Variants in MYO9A observed in about 807,000 individuals in gnomAD.
MYO9A encodes myosin IXA.
A neutral mutation model predicts 293.3 loss-of-function variants in MYO9A; 103 were observed. That is an observed-to-expected ratio of 0.35 (90% confidence interval 0.30 to 0.41). The LOEUF (loss-of-function observed/expected upper bound fraction) is 0.41. MYO9A is among the 10% of genes least tolerant of loss of function. The probability of loss-of-function intolerance (pLI) is 1.00; values close to 1 mark genes in which losing one functional copy is unlikely to be tolerated. For missense variants in MYO9A, 2,685 were observed against 3,033.0 expected (o/e 0.89, Z 2.69); for synonymous variants, 1,001 against 1,035.7 (o/e 0.97, Z 0.64).
chr15:72,065,722 A>G (rs747169822), intron 1 of MYO9A, among the ~76,000 whole-genome samples: 9 of 152,134 alleles, frequency 5.9e-5, no homozygotes, highest in Non-Finnish European at 1.0e-4. Flanking sequence ...AAAAAGACTT[A>G]TATCCAGATT....
chr15:71,992,073 AAGTTAAAAATATTT>A (rs1248502423), intron 10 of MYO9A, among the ~76,000 whole-genome samples: 2 of 152,176 alleles, frequency 1.3e-5, no homozygotes, highest in Non-Finnish European at 2.9e-5. Flanking sequence ...CGGTTTCGTA[AAGTTAAAAATATTT>A]ATTAAAAAAA....
chr15:72,047,266 A>T (rs1313058168), intron 1 of MYO9A, among the ~76,000 whole-genome samples: 2 of 152,222 alleles, frequency 1.3e-5, no homozygotes, highest in Non-Finnish European at 2.9e-5. Flanking sequence ...TGACAAAAGA[A>T]TCCTGCCCCT....
At chr15:72,007,743 C>A in intron 8 of MYO9A, 83 bp downstream of exon 8, 1 of 1,334,974 alleles carries the variant, frequency 7.5e-7, no homozygotes, top group South Asian at 1.5e-5. Context: ...AAGCATTAAC[C>A]CGTTTACACC....
intron 39 of MYO9A, among the ~76,000 whole-genome samples, chr15:71,845,095 C>T (rs2055325298): frequency 6.6e-6 from 1 of 152,108 alleles, no homozygotes; most frequent in Non-Finnish European, 1.5e-5. Context: ...TGTTAAGTCA[C>T]AAAAATAGGA....
intron 35 of MYO9A, 41 bp from the exon 36 acceptor site, chr15:71,852,301 G>T (rs1305797950): frequency 7.1e-6 from 11 of 1,542,996 alleles, no homozygotes; most frequent in South Asian, 2.4e-5. Flanking sequence ...GCCAAAACAT[G>T]CAAAGAGATT....
intron 2 of MYO9A, chr15:72,039,998 C>G: frequency 5.3e-6 from 1 of 187,114 alleles, no homozygotes; most frequent in East Asian, 1.6e-4. Flanking sequence ...AACCCTGAAC[C>G]TGCAGCAGCA....
intron 15 of MYO9A, among the ~76,000 whole-genome samples, chr15:71,943,451 T>G (rs1171142182): frequency 6.6e-6 from 1 of 152,116 alleles, no homozygotes; most frequent in Non-Finnish European, 1.5e-5. Flanking sequence ...ATTTTGGATA[T>G]TCTTAGTTTC....
chr15:72,102,589 T>A (rs887197529), intron 1 of MYO9A, among the ~76,000 whole-genome samples: 1 of 150,652 alleles, frequency 6.6e-6, no homozygotes, highest in Admixed American at 6.6e-5. Context: ...ATAACAGATA[T>A]ATCAGAAAGC....
rs1555408276 is a variant in MYO9A, at chr15:72,028,218, A to AATAAATATAT, written c.936-426_936-425insATATATTTAT. Among the ~76,000 whole-genome samples the AATAAATATAT allele has an allele frequency of 7.4e-5, 10 of 134,244 alleles. No individual in the cohort carries two copies. In the South Asian group the frequency reaches 9.4e-4, roughly 13 times the overall value. The allele number at this position is 134,244 out of a possible 152,430, so 88.1% of individuals were successfully genotyped here. A position where few individuals can be genotyped will look rare whatever the true frequency, so the allele number is the denominator to read the frequency against. ...TCTCAAAAAAATAAATAAATAAATA[A>AATAAATATAT]ATATATATATATATATATATAAATA... On this transcript the variant is annotated intron_variant, in intron 3 of 41. Coordinates refer to ENST00000356056, the MANE Select transcript of MYO9A (RefSeq NM_006901.4).
rs755573420 is a variant in MYO9A at position 71,903,970 on chromosome 15, G to A, written c.2836C>T (p.Arg946Ter). ...LRYTGMLETVRIRQSGYSSKY... is the reference protein window; with the variant it reads ...LRYTGMLETV The stretch of plus-strand genomic sequence containing the variant: ...GAGCTGTATCCTGATTGGCGAATTC[G>A]AACTGTTTCCAGCATCCCGGTGTAT... Residue 946 changes from arginine (R) to a stop codon, truncating the protein, a stop_gained, in exon 21 of 42, where the codon CGA (arginine) becomes TGA (stop). Coordinates refer to ENST00000356056, the MANE Select transcript of MYO9A (RefSeq NM_006901.4). LOFTEE classifies it high-confidence loss of function. 2.5e-6 allele frequency: 4 copies of A among 1,613,990 alleles called. No homozygotes were observed. Among genetic ancestry groups the A allele is most frequent in the East Asian group, 2.2e-5 (1 of 44,878 alleles).
chr15:72,043,572 G>A (rs1293532265), intron 2 of MYO9A, among the ~76,000 whole-genome samples: 2 of 152,108 alleles, frequency 1.3e-5, no homozygotes, highest in African/African-American at 2.4e-5. Context: ...ATACCAAGTG[G>A]GAGAAGCCAA....
intron 18 of MYO9A, among the ~76,000 whole-genome samples, chr15:71,927,274 T>C (rs1320393111): frequency 2.6e-5 from 4 of 152,256 alleles, no homozygotes; most frequent in African/African-American, 7.2e-5. Flanking sequence ...GCCATATGCA[T>C]AGTCTGCAAA....
Position 71,910,099 on chromosome 15 carries a change from T to TATATATATAC in MYO9A, c.2686-5094_2686-5093insGTATATATAT, listed in dbSNP as rs1567260276. On this transcript the variant is annotated intron_variant, in intron 19 of 41. Transcript: ENST00000356056. ...TTATATATATACACGTATATATATA[T>TATATATATAC]ACGTATATATATACGTGTATATATA... Among the ~76,000 whole-genome samples, 32 of 144,426 alleles carry TATATATATAC rather than the reference T, an allele frequency of 2.2e-4. 1 individual carries two copies. The highest frequency in any genetic ancestry group is 3.7e-3 in the Middle Eastern group (1 of 272). 94.7% of individuals were successfully genotyped at this position (144,426 alleles called of 152,430 possible). A position where few individuals can be genotyped will look rare whatever the true frequency, so the allele number is the denominator to read the frequency against.
intron 19 of MYO9A, among the ~76,000 whole-genome samples, chr15:71,906,758 C>CTTTATTTTT (rs765264146): frequency 1.6e-5 from 1 of 61,030 alleles, no homozygotes; most frequent in Non-Finnish European, 3.1e-5. Flanking sequence ...CCATTTCTTT[C>CTTTATTTTT]TTTTTTTTTT....
chr15:72,085,678 T>C (rs930930728), intron 1 of MYO9A, among the ~76,000 whole-genome samples: 17 of 152,216 alleles, frequency 1.1e-4, no homozygotes, highest in Admixed American at 3.9e-4. Flanking sequence ...AGTGTGGTTG[T>C]CTGGAGAAAA....
At chr15:71,847,932 A>C (rs1488055324) in intron 39 of MYO9A, among the ~76,000 whole-genome samples, 1 of 152,182 alleles carries the variant, frequency 6.6e-6, no homozygotes, top group Non-Finnish European at 1.5e-5. Context: ...GAAGAAAAAG[A>C]ATTATTTTAG....
chr15:71,852,358 G>GTTTA, intron 35 of MYO9A, 98 bp from the exon 36 acceptor site: 2 of 706,288 alleles, frequency 2.8e-6, no homozygotes, highest in Non-Finnish European at 3.9e-6. Flanking sequence ...AAGGCTTCAT[G>GTTTA]TTTCTTTTTT....
At position 72,010,575 on chromosome 15, in the gene MYO9A, G is replaced by GT. The variant is rs1566946599; in HGVS notation, c.1156-129dup. The GT allele has an allele frequency of 4.3e-5, 30 of 700,264 alleles. No individual in the cohort carries two copies. In the South Asian group the frequency reaches 5.6e-4, roughly 13 times the overall value. The allele number at this position is 700,264 out of a possible 1,614,324, so 43.4% of individuals were successfully genotyped here. A position where few individuals can be genotyped will look rare whatever the true frequency, so the allele number is the denominator to read the frequency against. On this transcript the variant is annotated intron_variant, in intron 6 of 41. Coordinates refer to ENST00000356056, the MANE Select transcript of MYO9A (RefSeq NM_006901.4). ...AATGCAAATTAGAGCTGGTAGAATA[G>GT]TAAGACCTAGTCAAATTCATTAGAC...
intron 1 of MYO9A, among the ~76,000 whole-genome samples, chr15:72,105,425 T>C (rs796700860): frequency 2.6e-5 from 4 of 152,148 alleles, no homozygotes; most frequent in African/African-American, 9.6e-5. Flanking sequence ...CAGGGTCTCA[T>C]TATGTTGCCC....
Sources: allele counts gnomAD v4.1 joint callset (sites outside exome capture counted in the v4.1 genomes callset), GRCh38; gene constraint gnomAD v4.1.1; transcripts MANE v1.5; gene names NCBI Gene and HGNC (gene_info 2026-07-23, HGNC 2026-07-21).